ARHGEF6: variants seen among roughly 807,000 people sequenced by gnomAD.
ARHGEF6 encodes Rac/Cdc42 guanine nucleotide exchange factor 6.
A neutral mutation model predicts 70.3 loss-of-function variants in ARHGEF6; 9 were observed. The ratio of observed to expected loss-of-function variants is 0.13; its 90% CI spans 0.08 to 0.22. ARHGEF6 has a LOEUF of 0.22. Among genes scored for constraint, ARHGEF6 ranks in the 10% least tolerant of loss-of-function variants. The pLI is 1.00. For synonymous variants in ARHGEF6, 201 were observed against 207.8 expected (o/e 0.97, Z 0.28); for missense variants, 470 against 563.0 (o/e 0.83, Z 1.67).
intron 2 of ARHGEF6, 70 bp from the exon 3 acceptor site, chrX:136,747,662 G>A: frequency 2.0e-6 from 1 of 508,576 alleles, no homozygotes; most frequent in Non-Finnish European, 3.2e-6. Context: ...ACTATCAAAA[G>A]GCCACTTCCT....
intron 6 of ARHGEF6, among the ~76,000 whole-genome samples, chrX:136,727,326 T>TCTTC (rs1296265540): frequency 3.2e-5 from 1 of 31,729 alleles, no homozygotes; most frequent in African/African-American, 7.7e-5. Context: ...TTTCTTTCTT[T>TCTTC]TTCTTTCTTT....
chrX:136,686,621 T>TATACAC (rs1440869053), intron 11 of ARHGEF6, among the ~76,000 whole-genome samples: 3 of 68,555 alleles, frequency 4.4e-5, no homozygotes, highest in African/African-American at 2.4e-4. Context: ...TATATATATA[T>TATACAC]ACACATATAT....
intron 8 of ARHGEF6, among the ~76,000 whole-genome samples, chrX:136,707,280 T>C (rs778785755): frequency 8.9e-6 from 1 of 112,353 alleles, no homozygotes; most frequent in African/African-American, 3.2e-5. Context: ...TGGTTGCTTG[T>C]TTGTTTTTAA....
intron 6 of ARHGEF6, among the ~76,000 whole-genome samples, chrX:136,722,156 T>G (rs1408880935): frequency 9.0e-6 from 1 of 111,205 alleles, no homozygotes; most frequent in East Asian, 2.8e-4. Flanking sequence ...AGAAAGAATT[T>G]ACACCCCTAC....
intron 6 of ARHGEF6, among the ~76,000 whole-genome samples, chrX:136,727,395 T>TTCTCTCTC (rs1188095168): frequency 7.5e-5 from 4 of 53,616 alleles, no homozygotes; most frequent in African/African-American, 3.1e-4. Flanking sequence ...CTTTCTTTCT[T>TTCTCTCTC]TCTCTCTCTC....
At chrX:136,739,413 G>A (rs770914660) in intron 5 of ARHGEF6, among the ~76,000 whole-genome samples, 19 of 111,783 alleles carry the variant, frequency 1.7e-4, no homozygotes, top group Non-Finnish European at 1.3e-4. Flanking sequence ...GCTAGGGGAC[G>A]GGGTCTATGA....
At chrX:136,763,465 T>C (rs912874351) in intron 2 of ARHGEF6, among the ~76,000 whole-genome samples, 1 of 112,186 alleles carries the variant, frequency 8.9e-6, no homozygotes, top group African/African-American at 3.2e-5. Flanking sequence ...CTATCAATCT[T>C]TCATCTAACA....
In ARHGEF6 at chrX:136,682,837, T is replaced by C; in HGVS notation, c.1400A>G (p.Glu467Gly). ...TGAAAATAACATAAGGTACCGCTCCTCTTTTTCCTGAGAGGGAATGAAAAT... is the reference window on the plus strand; with the variant it reads ...TGAAAATAACATAAGGTACCGCTCCCCTTTTTCCTGAGAGGGAATGAAAAT... Reference protein sequence around the residue: ...MVQYGACEEKEERYLMLFSNV... With the variant: ...MVQYGACEEKGERYLMLFSNV... The change falls in exon 13 of 22, where the codon GAG becomes GGG. Residue 467 changes from glutamate (E) to glycine (G), a missense_variant. This residue lies in a region of ARHGEF6 where 379 missense variants were observed against 449.3 expected (regional missense o/e 0.84). Transcript: ENST00000250617. 8.3e-7 allele frequency: 1 copy of C among 1,202,139 alleles called. No homozygotes were observed. Among genetic ancestry groups the C allele is most frequent in the Non-Finnish European group, 1.1e-6 (1 of 886,492 alleles).
intron 5 of ARHGEF6, among the ~76,000 whole-genome samples, chrX:136,736,220 T>TA (rs1250521159): frequency 8.9e-6 from 1 of 111,781 alleles, no homozygotes; most frequent in Non-Finnish European, 1.9e-5. Context: ...TAGCAGAAAT[T>TA]ACTTTGATGT....
intron 11 of ARHGEF6, among the ~76,000 whole-genome samples, chrX:136,686,711 T>TATATATATATATATATATAC (rs2076405146): frequency 1.0e-4 from 1 of 9,566 alleles, no homozygotes; most frequent in Non-Finnish European, 2.3e-4. Context: ...TATATATACA[T>TATATATATATATATATATAC]ATATATATAT....
chrX:136,777,638 C>T (rs959512242), intron 2 of ARHGEF6, among the ~76,000 whole-genome samples: 1 of 111,213 alleles, frequency 9.0e-6, no homozygotes, highest in Non-Finnish European at 1.9e-5. Flanking sequence ...GAAAAGGACA[C>T]TTGCACACAC....
intron 2 of ARHGEF6, among the ~76,000 whole-genome samples, chrX:136,760,481 A>G (rs1419644322): frequency 2.7e-5 from 3 of 112,609 alleles, no homozygotes; most frequent in Middle Eastern, 4.6e-3. Context: ...CCTGGATTAC[A>G]GTCAACATTA....
chrX:136,770,735 C>G (rs1345230149), intron 2 of ARHGEF6, among the ~76,000 whole-genome samples: 1 of 112,960 alleles, frequency 8.9e-6, no homozygotes, highest in Non-Finnish European at 1.9e-5. Context: ...GTGGCTCACA[C>G]CTGTAATCCC....
chrX:136,706,962 T>C lies in ARHGEF6; in HGVS notation c.992A>G (p.Tyr331Cys), dbSNP rs1482760845. ...LSLMPHFKSM[Y>C]LAYCANHPSA... ...AGGATGGTTTGCACAGTAAGCCAGA[T>C]ACATAGATTTAAAATGAGGCATGAG... is the stretch of plus-strand genomic sequence containing the variant. The change falls in exon 9 of 22, where the codon TAT (tyrosine) becomes TGT (cysteine). Residue 331 changes from tyrosine (Y) to cysteine (C), a missense_variant. Coordinates refer to ENST00000250617, the MANE Select transcript of ARHGEF6 (RefSeq NM_004840.3). The C allele has an allele frequency of 2.0e-5, 24 of 1,210,973 alleles. No homozygotes were observed. Among genetic ancestry groups the C allele is most frequent in the Non-Finnish European group, 2.5e-5 (22 of 894,726 alleles).
chrX:136,667,902 A>G lies in ARHGEF6; in HGVS notation c.*127T>C, dbSNP rs2076177129. 1.2e-6 allele frequency: 1 copy of G among 867,087 alleles called. No homozygotes were observed. The highest frequency in any genetic ancestry group is 2.0e-5 in the African/African-American group (1 of 50,092). 71.5% of individuals were successfully genotyped at this position (867,087 alleles called of 1,213,427 possible). Reference sequence around the variant, plus strand: ...CAGCGGGGAGAGAAAGAGAAGAGAGAGGGAGAGAGAGAGAGAGACTCAAAC... The same window carrying G: ...CAGCGGGGAGAGAAAGAGAAGAGAGGGGGAGAGAGAGAGAGAGACTCAAAC... On this transcript the variant is annotated 3_prime_UTR_variant, in exon 22 of 22. Transcript: ENST00000250617.
intron 19 of ARHGEF6, among the ~76,000 whole-genome samples, chrX:136,674,276 T>A (rs776187657): frequency 8.9e-6 from 1 of 112,726 alleles, no homozygotes; most frequent in Non-Finnish European, 1.9e-5. Context: ...ATGTCCAAAA[T>A]GGAGTACTAT....
At position 136,706,990 on chromosome X, in the gene ARHGEF6, T is replaced by C; in HGVS notation, c.964A>G (p.Ser322Gly). 1 of 1,210,209 alleles carries C rather than the reference T, an allele frequency of 8.3e-7. No homozygotes were observed. Among genetic ancestry groups the C allele is most frequent in the Non-Finnish European group, 1.1e-6 (1 of 894,014 alleles). ...ATAGATTTAAAATGAGGCATGAGACTCAGTAGACAACCTCCTACTTTGTGC... is the reference window on the plus strand; with the variant it reads ...ATAGATTTAAAATGAGGCATGAGACCCAGTAGACAACCTCCTACTTTGTGC... ...NQHKVGGCLL[S>G]LMPHFKSMYL... The change falls in exon 9 of 22, where the codon AGT (serine) becomes GGT (glycine). Residue 322 changes from serine (S) to glycine (G), a missense_variant. Physicochemically the swap from Ser to Gly is moderately conservative, Grantham distance 56. Coordinates refer to ENST00000250617, the MANE Select transcript of ARHGEF6 (RefSeq NM_004840.3).
chrX:136,759,378 A>G (rs1291627708), intron 2 of ARHGEF6, among the ~76,000 whole-genome samples: 18 of 111,551 alleles, frequency 1.6e-4, no homozygotes, highest in African/African-American at 3.9e-4. Context: ...GGTGGCTCAC[A>G]CCTGTAATCC....
At chrX:136,720,517 GA>G (rs949883030) in intron 6 of ARHGEF6, among the ~76,000 whole-genome samples, 27 of 108,783 alleles carry the variant, frequency 2.5e-4, no homozygotes, top group Admixed American at 1.1e-3. Context: ...AAAAAAAAGG[GA>G]AAAAAAAGCT....
Sources: gnomAD v4.1 joint callset for allele counts (sites outside exome capture counted in the v4.1 genomes callset) on GRCh38, gnomAD v4.1.1 for gene constraint, gnomAD v4.1.1 regional missense constraint, MANE v1.5 for transcripts, NCBI Gene and HGNC (gene_info 2026-07-23, HGNC 2026-07-21) for gene names.